Variants in EMC3 observed in about 807,000 individuals in gnomAD.
EMC3 encodes the protein ER membrane protein complex subunit 3, also known as 30 kDa protein.
EMC3 carries 13 observed loss-of-function variants against 36.6 expected under a neutral mutation model. The ratio of observed to expected loss-of-function variants is 0.35; its 90% CI spans 0.23 to 0.56. The LOEUF (loss-of-function observed/expected upper bound fraction) is 0.56, where lower values mean the gene tolerates loss of function less well. Ranked by LOEUF, EMC3 falls within the 20% of genes least tolerant of loss-of-function variation. The probability of loss-of-function intolerance (pLI) is 0.84; values close to 1 mark genes in which losing one functional copy is unlikely to be tolerated. For missense variants in EMC3, 220 were observed against 324.5 expected (o/e 0.68, Z 2.47); for synonymous variants, 120 against 111.9 (o/e 1.07, Z -0.46).
At position 9,986,833 on chromosome 3, in the gene EMC3, C is replaced by T; in HGVS notation, c.-172G>A. On this transcript the variant is annotated 5_prime_UTR_variant, in exon 1 of 8. Transcript: ENST00000245046. ...ACTGCCTTCAGCTGGGCTGCCTGGT[C>T]TTCCACTTCCGGCGCGAACGTTGAC... The T allele has an allele frequency of 4.3e-6, 6 of 1,395,244 alleles. No individual in the cohort carries two copies. The highest frequency in any genetic ancestry group is 1.6e-5 in the South Asian group (1 of 60,892). The allele number at this position is 1,395,244 out of a possible 1,614,324, so 86.4% of individuals were successfully genotyped here.
chr3:9,994,100 G>C (rs1353033783), intron 1 of EMC3: 1 of 1,149,494 alleles, frequency 8.7e-7, no homozygotes, highest in Non-Finnish European at 1.2e-6. Flanking sequence ...AGAGAAGTCT[G>C]ATCTGACATT....
chr3:9,973,539 G>A, intron 5 of EMC3, 89 bp downstream of exon 5: 1 of 1,169,626 alleles, frequency 8.5e-7, no homozygotes, highest in South Asian at 1.2e-5. Flanking sequence ...TGCCCAGGCT[G>A]GTCTCAAACT....
At chr3:9,966,437 G>A (rs1293476869) in intron 7 of EMC3, among the ~76,000 whole-genome samples, 1 of 152,004 alleles carries the variant, frequency 6.6e-6, no homozygotes, top group Non-Finnish European at 1.5e-5. Context: ...TGACCAAGCT[G>A]ATCTTGAACT....
At chr3:9,973,012 TAGAGATGGGGTTTCAC>T (rs1404947124) in intron 5 of EMC3, among the ~76,000 whole-genome samples, 1 of 149,958 alleles carries the variant, frequency 6.7e-6, no homozygotes, top group East Asian at 2.0e-4. Flanking sequence ...GTATTTTTAG[TAGAGATGGGGTTTCAC>T]AGTGTTAGCC....
At chr3:9,989,808 T>A (rs13084194), upstream of EMC3, among the ~76,000 whole-genome samples, 24,807 of 152,036 alleles carry the variant, frequency 0.16, 2,103 homozygotes, top group South Asian at 0.21. Context: ...AACATTTTCT[T>A]CTCCATGTGC....
At chr3:9,970,736 C>G in intron 5 of EMC3, 75 bp from the exon 6 acceptor site, 1 of 1,475,766 alleles carries the variant, frequency 6.8e-7, no homozygotes, top group Admixed American at 1.7e-5. Context: ...TCCCTACCAC[C>G]CAAAGTTGTT....
upstream of EMC3, chr3:9,987,690 T>G (rs367957369): frequency 3.7e-5 from 13 of 352,844 alleles, no homozygotes; most frequent in African/African-American, 6.3e-5. Flanking sequence ...TTACATTTAC[T>G]CTTTCTGTGT....
intron 7 of EMC3, among the ~76,000 whole-genome samples, chr3:9,965,766 A>G (rs1159061867): frequency 6.6e-6 from 1 of 151,866 alleles, no homozygotes; most frequent in African/African-American, 2.4e-5. Flanking sequence ...ATTTTCTTTC[A>G]CTTAGCATGT....
intron 1 of EMC3, among the ~76,000 whole-genome samples, chr3:10,005,464 A>T (rs757981373): frequency 3.3e-5 from 5 of 152,154 alleles, no homozygotes; most frequent in African/African-American, 4.8e-5. Flanking sequence ...TCAGTGTCAT[A>T]CTGTATTTCA....
At chr3:10,002,492 C>T (rs2086215785) in intron 1 of EMC3, among the ~76,000 whole-genome samples, 1 of 151,986 alleles carries the variant, frequency 6.6e-6, no homozygotes, top group East Asian at 1.9e-4. Context: ...TGCCATGTTA[C>T]CCAGGCTGGT....
chr3:9,981,330 A>C (rs143630871), intron 1 of EMC3, among the ~76,000 whole-genome samples: 1 of 152,340 alleles, frequency 6.6e-6, no homozygotes, highest in Non-Finnish European at 1.5e-5. Context: ...TAAATCTCCT[A>C]CAATTACACT....
upstream of EMC3, among the ~76,000 whole-genome samples, chr3:9,990,862 G>A (rs1203070915): frequency 1.3e-5 from 2 of 150,612 alleles, no homozygotes; most frequent in South Asian, 2.1e-4. Context: ...ACGGAGTCTC[G>A]CTGTCGCCCA....
At position 9,963,839 on chromosome 3, in the gene EMC3, C is replaced by T. The variant is rs1223333682; in HGVS notation, c.*230G>A. On this transcript the variant is annotated 3_prime_UTR_variant, in exon 8 of 8. Coordinates refer to ENST00000245046, the MANE Select transcript of EMC3 (RefSeq NM_001394674.1). The stretch of plus-strand genomic sequence containing the variant: ...TTTCTCTGACTTTCATTACTAGAGT[C>T]ACCAGAAGGAACATTTACAACATTT... The T allele has an allele frequency of 6.1e-5, 31 of 507,092 alleles. No individual in the cohort carries two copies. The South Asian group carries it at 7.8e-4, about 13-fold the overall frequency. 31.4% of individuals were successfully genotyped at this position (507,092 alleles called of 1,614,324 possible).
At chr3:9,983,713 A>T (rs2124917115) in intron 1 of EMC3, among the ~76,000 whole-genome samples, 1 of 152,292 alleles carries the variant, frequency 6.6e-6, no homozygotes, top group Non-Finnish European at 1.5e-5. Context: ...ACTAACTGTG[A>T]ATTTCATTTT....
Position 9,963,477 on chromosome 3 carries a change from A to ATATATATTTTTT in EMC3, c.*591_*592insAAAAAATATATA, listed in dbSNP as rs61596273. ...TAGATATATATATATATATATATATATTTTTTTTTTTTTTTCAGATGGAGT... is the reference window on the plus strand; with the variant it reads ...TAGATATATATATATATATATATATATATATATTTTTTTTTTTTTTTTTTTTTCAGATGGAGT... On this transcript the variant is annotated 3_prime_UTR_variant, in exon 8 of 8. Transcript: ENST00000245046. 3 of 88,904 alleles carry ATATATATTTTTT rather than the reference A, an allele frequency of 3.4e-5. No homozygotes were observed. The highest frequency in any genetic ancestry group is 2.5e-4 in the East Asian group (1 of 4,014). 5.5% of individuals were successfully genotyped at this position (88,904 alleles called of 1,614,324 possible).
chr3:9,977,742 A>T (rs1310572079), intron 1 of EMC3, among the ~76,000 whole-genome samples: 1 of 152,202 alleles, frequency 6.6e-6, no homozygotes, highest in Non-Finnish European at 1.5e-5. Context: ...ATAATAAGCT[A>T]GGAAGACACT....
At position 9,969,901 on chromosome 3, in the gene EMC3, C is replaced by T. The variant is rs893772299; in HGVS notation, c.575-100G>A. 1.4e-5 allele frequency: 21 copies of T among 1,508,948 alleles called. No homozygotes were observed. In the African/African-American group the frequency reaches 1.5e-4, roughly 11 times the overall value. The allele number at this position is 1,508,948 out of a possible 1,614,324, so 93.5% of individuals were successfully genotyped here. A position where few individuals can be genotyped will look rare whatever the true frequency, so the allele number is the denominator to read the frequency against. On this transcript the variant is annotated intron_variant, in intron 6 of 7. Transcript: ENST00000245046. ...TCACACAGATTAGAGAACTGGACTA[C>T]AGCCTCACTGGCTGGCCCTGTCACC...
chr3:9,967,623 G>A (rs1163469755), intron 7 of EMC3, among the ~76,000 whole-genome samples: 3 of 152,072 alleles, frequency 2.0e-5, no homozygotes, highest in Non-Finnish European at 4.4e-5. Flanking sequence ...CTACAGCTTT[G>A]TAATAGGCTT....
intron 1 of EMC3, chr3:10,009,839 A>G (rs1303425371): frequency 1.3e-5 from 2 of 152,242 alleles, no homozygotes; most frequent in Non-Finnish European, 2.9e-5. Flanking sequence ...CTGCGTGGAA[A>G]GGGCCCAAGA....
Sources: gnomAD v4.1 joint callset for allele counts (sites outside exome capture counted in the v4.1 genomes callset) on GRCh38, gnomAD v4.1.1 for gene constraint, MANE v1.5 for transcripts, NCBI Gene and HGNC (gene_info 2026-07-23, HGNC 2026-07-21) for gene names.